Variants in RAPGEF1 observed in about 807,000 individuals in gnomAD.
RAPGEF1 encodes Rap guanine nucleotide exchange factor 1, also known as CRK SH3-binding GNRP.
In RAPGEF1, 33 loss-of-function variants were observed where a neutral mutation model predicts 143.3. The observed-to-expected ratio is 0.23, with a 90% CI of 0.17 to 0.31. The LOEUF (loss-of-function observed/expected upper bound fraction) is 0.31. RAPGEF1 is among the 10% of genes least tolerant of loss of function. The pLI is 1.00. For missense variants in RAPGEF1, 1,199 were observed against 1,645.4 expected (o/e 0.73, Z 4.69); for synonymous variants, 629 against 676.5 (o/e 0.93, Z 1.09).
chr9:131,597,742 G>A (rs1391767210), intron 16 of RAPGEF1, among the ~76,000 whole-genome samples: 4 of 152,002 alleles, frequency 2.6e-5, no homozygotes, highest in Non-Finnish European at 5.9e-5. Context: ...TTTTAGAGAT[G>A]GGTCTTGCTG....
chr9:131,688,282 C>T (rs1019873697), intron 1 of RAPGEF1, among the ~76,000 whole-genome samples: 7 of 152,166 alleles, frequency 4.6e-5, no homozygotes, highest in African/African-American at 7.2e-5. Context: ...TCAATTATTC[C>T]GAGTCTGTGA....
At chr9:131,678,439 ACT>A (rs1212664074) in intron 1 of RAPGEF1, among the ~76,000 whole-genome samples, 2 of 152,204 alleles carry the variant, frequency 1.3e-5, no homozygotes, top group African/African-American at 4.8e-5. Flanking sequence ...TAATATTTTC[ACT>A]CTACAAAAAA....
intron 12 of RAPGEF1, among the ~76,000 whole-genome samples, chr9:131,613,255 G>A (rs1443831770): frequency 4.1e-5 from 1 of 24,660 alleles, no homozygotes; most frequent in Non-Finnish European, 6.9e-5. Context: ...AAACACGGTG[G>A]GGGAGAAGAC....
intron 5 of RAPGEF1, among the ~76,000 whole-genome samples, chr9:131,634,904 C>T (rs548649341): frequency 4.3e-4 from 65 of 151,938 alleles, no homozygotes; most frequent in African/African-American, 1.5e-3. Flanking sequence ...AGTGGCTCGG[C>T]CCCCCAGCAT....
At chr9:131,620,692 T>G (rs1209946264) in intron 11 of RAPGEF1, among the ~76,000 whole-genome samples, 1 of 151,932 alleles carries the variant, frequency 6.6e-6, no homozygotes, top group Non-Finnish European at 1.5e-5. Context: ...GGTTTTTGAG[T>G]GGAAACAAAA....
chr9:131,668,209 T>C lies in RAPGEF1; in HGVS notation c.62-17260A>G, dbSNP rs17148170. 5.1e-3 allele frequency among the ~76,000 whole-genome samples: 775 copies of C among 152,292 alleles called. 9 individuals carry two copies. The highest frequency in any genetic ancestry group is 0.018 in the African/African-American group (734 of 41,554). ...AGAATTCCCAGACTCGCTCCTCTTA[T>C]AAACCACAGATGCTGCTTGAGGGGA... On this transcript the variant is annotated intron_variant, in intron 1 of 26. Coordinates refer to ENST00000683357, the MANE Select transcript of RAPGEF1 (RefSeq NM_001377935.1).
intron 1 of RAPGEF1, among the ~76,000 whole-genome samples, chr9:131,687,825 T>A (rs1023726546): frequency 6.6e-6 from 1 of 152,202 alleles, no homozygotes; most frequent in Non-Finnish European, 1.5e-5. Flanking sequence ...TTTCATATAA[T>A]GTTCTATATA....
intron 1 of RAPGEF1, among the ~76,000 whole-genome samples, chr9:131,683,567 C>G (rs1048921997): frequency 1.3e-5 from 2 of 152,220 alleles, no homozygotes; most frequent in Non-Finnish European, 2.9e-5. Context: ...CTTCACTATC[C>G]CTTTGGCTGA....
chr9:131,691,995 C>T (rs190108309), intron 1 of RAPGEF1, among the ~76,000 whole-genome samples: 65 of 152,316 alleles, frequency 4.3e-4, no homozygotes, highest in African/African-American at 1.5e-3. Context: ...TTATTTGTGA[C>T]TCTTCTTATC....
chr9:131,590,063 C>A (rs1030151524), intron 18 of RAPGEF1, 85 bp from the exon 19 acceptor site: 17 of 1,207,714 alleles, frequency 1.4e-5, no homozygotes, highest in Non-Finnish European at 1.6e-5. Flanking sequence ...ACTCACTGAG[C>A]GCTCACAATG....
At chr9:131,616,773 A>G (rs770934865) in intron 12 of RAPGEF1, among the ~76,000 whole-genome samples, 1 of 152,230 alleles carries the variant, frequency 6.6e-6, no homozygotes, top group Non-Finnish European at 1.5e-5. Flanking sequence ...GGCCGCTCTG[A>G]TAGTAATCCA....
At chr9:131,588,326 C>G (rs1038931785) in intron 20 of RAPGEF1, among the ~76,000 whole-genome samples, 1 of 152,202 alleles carries the variant, frequency 6.6e-6, no homozygotes, top group African/African-American at 2.4e-5. Context: ...CAAGAAGGCT[C>G]GCTCACGGCT....
At chr9:131,648,118 G>A (rs1367900065) in intron 3 of RAPGEF1, among the ~76,000 whole-genome samples, 1 of 152,140 alleles carries the variant, frequency 6.6e-6, no homozygotes, top group Non-Finnish European at 1.5e-5. Context: ...GGCTGGGTGC[G>A]GTGGCTCATG....
In RAPGEF1 at chr9:131,628,536, G is replaced by A. The variant is rs751083184; in HGVS notation, c.1017+13C>T. Reference sequence around the variant, plus strand: ...TCCCTGCCTTCCCATGCAGGGAACAGGGGCTGCATTACCTGCCTATTGATT... The same window carrying A: ...TCCCTGCCTTCCCATGCAGGGAACAAGGGCTGCATTACCTGCCTATTGATT... On this transcript the variant is annotated intron_variant, in intron 8 of 26. Transcript: ENST00000683357. This position sits in a 1 kb window ranked among gnomAD's most constrained non-coding sequence, Gnocchi z 5.7. 6.2e-7 allele frequency: 1 copy of A among 1,611,628 alleles called. No individual in the cohort carries two copies. Among genetic ancestry groups the A allele is most frequent in the South Asian group, 1.1e-5 (1 of 91,030 alleles).
At chr9:131,592,293 G>A in intron 17 of RAPGEF1, 110 bp from the exon 18 acceptor site, 1 of 843,616 alleles carries the variant, frequency 1.2e-6, no homozygotes, top group Non-Finnish European at 1.9e-6. Flanking sequence ...AGATGGCACG[G>A]GGAGTGGGAT....
chr9:131,662,624 T>C (rs987085032), intron 1 of RAPGEF1, among the ~76,000 whole-genome samples: 6 of 151,698 alleles, frequency 4.0e-5, no homozygotes, highest in African/African-American at 1.5e-4. Flanking sequence ...CTCGGCTCAC[T>C]GCCTTCCTGG....
chr9:131,596,171 G>A (rs772007750), intron 17 of RAPGEF1, 127 bp downstream of exon 17: 9 of 797,938 alleles, frequency 1.1e-5, no homozygotes, highest in South Asian at 3.2e-5. Flanking sequence ...TGACTCAGGC[G>A]CACCAGGACT....
At position 131,583,593 on chromosome 9, in the gene RAPGEF1, G is replaced by C. The variant is rs1219189579; in HGVS notation, c.3414+718C>G. Among the ~76,000 whole-genome samples, 1 of 152,130 alleles carries C rather than the reference G, an allele frequency of 6.6e-6. No homozygotes were observed. Among genetic ancestry groups the C allele is most frequent in the Non-Finnish European group, 1.5e-5 (1 of 68,008 alleles). ...CTTGGGTCCCTGACATGACCCCTGG[G>C]TGGCCTGGCTGACACTCAAAAGCCA... On this transcript the variant is annotated intron_variant, in intron 24 of 26. Coordinates refer to ENST00000683357, the MANE Select transcript of RAPGEF1 (RefSeq NM_001377935.1). The surrounding 1 kb of genome is among the most constrained non-coding windows in gnomAD (Gnocchi z 4.7).
At chr9:131,582,746 T>C in intron 24 of RAPGEF1, 44 bp from the exon 25 acceptor site, 2 of 1,500,858 alleles carry the variant, frequency 1.3e-6, no homozygotes, top group Non-Finnish European at 1.8e-6. Flanking sequence ...GGTGAGCGAG[T>C]GCTGGGGCAA....
Sources: allele counts gnomAD v4.1 joint callset (sites outside exome capture counted in the v4.1 genomes callset), GRCh38; gene constraint gnomAD v4.1.1; non-coding constraint Gnocchi (gnomAD v3.1); transcripts MANE v1.5; gene names NCBI Gene and HGNC (gene_info 2026-07-23, HGNC 2026-07-21).